ZDHHC24: variants seen among roughly 807,000 people sequenced by gnomAD.
ZDHHC24 encodes the protein zDHHC palmitoyltransferase 24, also known as probable palmitoyltransferase ZDHHC24.
A neutral mutation model predicts 23.2 loss-of-function variants in ZDHHC24; 17 were observed. That is an observed-to-expected ratio of 0.73 (90% CI 0.50 to 1.10). The LOEUF (loss-of-function observed/expected upper bound fraction) is 1.10, where lower values mean the gene tolerates loss of function less well. Among genes scored for constraint, ZDHHC24 ranks in the 50% least tolerant of loss-of-function variants. ZDHHC24 has a pLI of 0.00. For synonymous variants in ZDHHC24, 186 were observed against 194.5 expected (o/e 0.96, Z 0.36); for missense variants, 366 against 393.0 (o/e 0.93, Z 0.58).
rs765732035 is a variant in ZDHHC24, at chr11:66,521,364, A to G, written c.*124T>C. 28 of 1,614,000 alleles carry G rather than the reference A, an allele frequency of 1.7e-5. No homozygotes were observed. Among genetic ancestry groups the G allele is most frequent in the South Asian group, 3.3e-5 (3 of 91,090 alleles). On this transcript the variant is annotated 3_prime_UTR_variant, in exon 5 of 5. Transcript: ENST00000526986. ...GCGGCCTGCCGCAATGGAAACATCT[A>G]TATTCTGAGAAGGTAGCCACATCCG... is the stretch of plus-strand genomic sequence containing the variant.
chr11:66,522,651 T>C (rs969876275), intron 4 of ZDHHC24, among the ~76,000 whole-genome samples: 3 of 152,174 alleles, frequency 2.0e-5, no homozygotes, highest in African/African-American at 7.2e-5. Context: ...CGGCCTAACA[T>C]GCATTTTTTT....
chr11:66,540,925 C>G, intron 2 of ZDHHC24, among the ~76,000 whole-genome samples: 1 of 152,064 alleles, frequency 6.6e-6, no homozygotes, highest in East Asian at 1.9e-4. Context: ...CCTGAATAGG[C>G]AAGTCCACAG....
At chr11:66,531,103 C>A, downstream of ZDHHC24, 1 of 1,586,282 alleles carries the variant, frequency 6.3e-7, no homozygotes, top group East Asian at 2.3e-5. Flanking sequence ...CCACAGAGCC[C>A]CGCCAGGTCA....
Position 66,539,811 on chromosome 11 carries a change from C to T in ZDHHC24, c.573G>A (p.Leu191=), listed in dbSNP as rs1565296069. Residue 191 remains leucine, a synonymous_variant, in exon 3 of 3, where the codon CTG becomes CTA. Coordinates refer to ENST00000310442, the MANE Select transcript of ZDHHC24 (RefSeq NM_207340.3). The part of the protein sequence containing the change: ...WLMLLTGRVS[L]AQFALAFVTD... ...TCACGAAGGCCAAGGCAAACTGTGCCAGAGACACTCTGCCTGCAATAAAAG... is the reference window on the plus strand; with the variant it reads ...TCACGAAGGCCAAGGCAAACTGTGCTAGAGACACTCTGCCTGCAATAAAAG... 1 of 1,601,490 alleles carries T rather than the reference C, an allele frequency of 6.2e-7. No individual in the cohort carries two copies. The highest frequency in any genetic ancestry group is 8.5e-7 in the Non-Finnish European group (1 of 1,172,890).
At chr11:66,522,572 G>A (rs1043272137) in intron 4 of ZDHHC24, among the ~76,000 whole-genome samples, 10 of 151,896 alleles carry the variant, frequency 6.6e-5, no homozygotes, top group Admixed American at 2.0e-4. Flanking sequence ...GGTCTCGAAC[G>A]CCTGACCTTG....
intron 3 of ZDHHC24, chr11:66,527,204 TCTC>T: frequency 3.6e-6 from 2 of 562,552 alleles, no homozygotes; most frequent in African/African-American, 4.0e-5. Flanking sequence ...GATACTTCTT[TCTC>T]AAAAAAAAAA....
intron 4 of ZDHHC24, chr11:66,523,057 T>C: frequency 2.3e-6 from 1 of 427,908 alleles, no homozygotes; most frequent in East Asian, 6.9e-5. Context: ...AACTAAAAAC[T>C]GCATTGACAC....
At chr11:66,532,967 T>G (rs1856844729), downstream of ZDHHC24, 1 of 152,148 alleles carries the variant, frequency 6.6e-6, no homozygotes, top group Admixed American at 6.5e-5. Context: ...GGTGGGAAGT[T>G]CCCAGGGCAG....
chr11:66,534,562 C>G (rs1023358060), downstream of ZDHHC24, among the ~76,000 whole-genome samples: 1 of 151,022 alleles, frequency 6.6e-6, no homozygotes, highest in Non-Finnish European at 1.5e-5. Flanking sequence ...CTTTGAGAAG[C>G]CAAGGCAGGA....
chr11:66,523,774 C>T (rs1245952031), intron 4 of ZDHHC24: 1 of 1,613,258 alleles, frequency 6.2e-7, no homozygotes, highest in Non-Finnish European at 8.5e-7. Flanking sequence ...TGACCATGAA[C>T]CTCCTGGAGC....
chr11:66,537,958 AAT>A lies in ZDHHC24; in HGVS notation c.*1569_*1570del, dbSNP rs1463241864. ...AATAAAATAAAATAAAATAAAATAA[AAT>A]AATAAAAAATTGTCAGCCAGGCACG... On this transcript the variant is annotated 3_prime_UTR_variant, in exon 3 of 3. Coordinates refer to ENST00000310442, the MANE Select transcript of ZDHHC24 (RefSeq NM_207340.3). 1 of 129,650 alleles carries A rather than the reference AAT, an allele frequency of 7.7e-6. No individual in the cohort carries two copies. The highest frequency in any genetic ancestry group is 1.8e-5 in the Non-Finnish European group (1 of 56,870). The allele number at this position is 129,650 out of a possible 1,614,324, so 8.0% of individuals were successfully genotyped here.
rs749066158 is a variant in ZDHHC24, at chr11:66,545,765, C to A, written c.239G>T (p.Arg80Leu). Reference sequence around the variant, plus strand: ...ACCGCGGCCGGCCAGCATCACGCCACGGATGCTGGGATCCGAGCGCAGGAA... The same window carrying A: ...ACCGCGGCCGGCCAGCATCACGCCAAGGATGCTGGGATCCGAGCGCAGGAA... ...GLFLRSDPSI[R>L]GVMLAGRGLG... is the part of the protein sequence containing the mutation. Residue 80 changes from arginine to leucine, a missense_variant, in exon 1 of 3, where the codon CGT (arginine) becomes CTT (leucine). Transcript: ENST00000310442. This position sits in a 1 kb window ranked among gnomAD's most constrained non-coding sequence, Gnocchi z 4.5. 6.3e-7 allele frequency: 1 copy of A among 1,590,234 alleles called. No individual in the cohort carries two copies.
downstream of ZDHHC24, chr11:66,530,883 C>T: frequency 6.2e-7 from 1 of 1,614,208 alleles, no homozygotes; most frequent in South Asian, 1.1e-5. Flanking sequence ...CTCCACCCAC[C>T]CTCTCCATAG....
intron 3 of ZDHHC24, among the ~76,000 whole-genome samples, chr11:66,527,311 GTTCA>G (rs1050415266): frequency 6.6e-6 from 1 of 151,686 alleles, no homozygotes; most frequent in African/African-American, 2.4e-5. Context: ...TTCATCGTTC[GTTCA>G]TTCATTCATT....
Position 66,536,843 on chromosome 11 carries a change from C to CGG in ZDHHC24, c.*2685_*2686insCC, listed in dbSNP as rs1856984190. The CGG allele has an allele frequency of 6.6e-6, 1 of 151,726 alleles. No homozygotes were observed. The highest frequency in any genetic ancestry group is 2.4e-5 in the African/African-American group (1 of 41,340). 9.4% of individuals were successfully genotyped at this position (151,726 alleles called of 1,614,324 possible). A position where few individuals can be genotyped will look rare whatever the true frequency, so the allele number is the denominator to read the frequency against. ...GAACCAAGATCGCATCATTGCACTC[C>CGG]AGCCTGGGTAACAAGAGTGAAACTC... On this transcript the variant is annotated 3_prime_UTR_variant, in exon 3 of 3. Coordinates refer to ENST00000310442, the MANE Select transcript of ZDHHC24 (RefSeq NM_207340.3).
chr11:66,528,399 A>G (rs552825188), intron 3 of ZDHHC24, among the ~76,000 whole-genome samples: 1 of 152,336 alleles, frequency 6.6e-6, no homozygotes, highest in Non-Finnish European at 1.5e-5. Context: ...GGACCTGGCC[A>G]GTTGATTCAA....
At chr11:66,531,174 A>C, downstream of ZDHHC24, 1 of 1,180,350 alleles carries the variant, frequency 8.5e-7, no homozygotes, top group South Asian at 1.3e-5. Context: ...ACCACAGACC[A>C]GGCCAAGGCC....
At chr11:66,526,768 T>A (rs1565287949) in intron 4 of ZDHHC24, 1 of 1,614,210 alleles carries the variant, frequency 6.2e-7, no homozygotes, top group Non-Finnish European at 8.5e-7. Flanking sequence ...GACCCGGCTT[T>A]ACGTGGATCA....
chr11:66,534,524 A>T (rs12221821), downstream of ZDHHC24, among the ~76,000 whole-genome samples: 30,966 of 147,478 alleles, frequency 0.21, 3,666 homozygotes, highest in East Asian at 0.27. Context: ...GAGGCCGGGT[A>T]TAGTGGTTCA....
Sources: gnomAD v4.1 joint callset for allele counts (sites outside exome capture counted in the v4.1 genomes callset) on GRCh38, gnomAD v4.1.1 for gene constraint, Gnocchi (gnomAD v3.1) non-coding constraint, MANE v1.5 for transcripts, NCBI Gene and HGNC (gene_info 2026-07-23, HGNC 2026-07-21) for gene names.